The following NAMPT variants were observed in gnomAD, a reference collection of about 807,000 sequenced individuals.
NAMPT encodes the protein NAmPRTase.
A neutral mutation model predicts 58.7 loss-of-function variants in NAMPT; 7 were observed. That is an observed-to-expected ratio of 0.12 (90% CI 0.07 to 0.22). The LOEUF (loss-of-function observed/expected upper bound fraction) is 0.22, where lower values mean the gene tolerates loss of function less well. Among genes scored for constraint, NAMPT ranks in the 10% least tolerant of loss-of-function variants. The pLI is 1.00. For missense variants in NAMPT, 271 were observed against 567.9 expected, an observed-to-expected ratio of 0.48 and a Z score of 5.31; for synonymous variants, 145 against 198.1, an observed-to-expected ratio of 0.73 and a Z score of 2.25.
rs1792839416 is a variant in NAMPT, at chr7:106,284,825, T to C, written c.57+3A>G. The stretch of plus-strand genomic sequence containing the variant: ...CCTCATCTGCCCGGGCCCCGAGCTT[T>C]ACCTTGTAGGAGTCGGTGGCCAGGA... On this transcript the variant is annotated splice_donor_region_variant and intron_variant, in intron 1 of 10. Transcript: ENST00000222553. 5 of 1,548,178 alleles carry C rather than the reference T, an allele frequency of 3.2e-6. No individual in the cohort carries two copies. The highest frequency in any genetic ancestry group is 4.4e-6 in the Non-Finnish European group (5 of 1,144,448).
At chr7:106,278,544 A>G (rs1489677930) in intron 1 of NAMPT, among the ~76,000 whole-genome samples, 1 of 152,210 alleles carries the variant, frequency 6.6e-6, no homozygotes, top group Non-Finnish European at 1.5e-5. Flanking sequence ...ATCCCACTTT[A>G]ATAAAATTTA....
chr7:106,252,191 G>A (rs1792115565), intron 10 of NAMPT, among the ~76,000 whole-genome samples: 1 of 151,982 alleles, frequency 6.6e-6, no homozygotes, highest in Admixed American at 6.6e-5. Context: ...TTAGTTTGAA[G>A]TGACTTTAGC....
At chr7:106,280,696 C>T (rs528001532) in intron 1 of NAMPT, among the ~76,000 whole-genome samples, 32 of 152,268 alleles carry the variant, frequency 2.1e-4, no homozygotes, top group African/African-American at 7.5e-4. Context: ...AATCCCAGCA[C>T]TTTGGGAGGC....
rs1792081032 is a variant in NAMPT at position 106,250,088 on chromosome 7, TATAAC to T, written c.*990_*994del. 1 of 152,410 alleles carries T rather than the reference TATAAC, an allele frequency of 6.6e-6. No homozygotes were observed. Among genetic ancestry groups the T allele is most frequent in the South Asian group, 2.1e-4 (1 of 4,836 alleles). The allele number at this position is 152,410 out of a possible 1,614,324, so 9.4% of individuals were successfully genotyped here. ...AATTTTTTAAAAACTTAATAAAAAA[TATAAC>T]AGAATTGAAACATTTAAGTACACTC... On this transcript the variant is annotated 3_prime_UTR_variant, in exon 11 of 11. Transcript: ENST00000222553.
intron 8 of NAMPT, among the ~76,000 whole-genome samples, chr7:106,257,187 A>C (rs192729328): frequency 4.3e-4 from 66 of 151,974 alleles, no homozygotes; most frequent in Middle Eastern, 3.4e-3. Context: ...TCCTGAGTAC[A>C]TCTGCATTAA....
intron 5 of NAMPT, among the ~76,000 whole-genome samples, chr7:106,268,826 A>C (rs2115784362): frequency 6.6e-6 from 1 of 152,312 alleles, no homozygotes; most frequent in South Asian, 2.1e-4. Context: ...AGACCTATTT[A>C]ACAGTGTCCC....
Position 106,261,141 on chromosome 7 carries a change from T to C in NAMPT, c.1089+447A>G, listed in dbSNP as rs561018299. Among the ~76,000 whole-genome samples the C allele has an allele frequency of 3.3e-5, 5 of 152,298 alleles. No individual in the cohort carries two copies. The East Asian group carries it at 5.8e-4, about 18-fold the overall frequency. On this transcript the variant is annotated intron_variant, in intron 8 of 10. Coordinates refer to ENST00000222553, the MANE Select transcript of NAMPT (RefSeq NM_005746.3). ...ATAACACTTATACTATCTGGCTAAA[T>C]CTAATACTGATGACAGTCAATGCTT...
chr7:106,276,975 A>G, intron 2 of NAMPT, 48 bp downstream of exon 2: 1 of 1,395,472 alleles, frequency 7.2e-7, no homozygotes. Context: ...CTCCTAAAGG[A>G]GTTAAGAGTA....
Position 106,263,620 on chromosome 7 carries a change from A to G in NAMPT, c.744-3T>C. On this transcript the variant is annotated splice_region_variant and splice_polypyrimidine_tract_variant and intron_variant, in intron 6 of 10. Coordinates refer to ENST00000222553, the MANE Select transcript of NAMPT (RefSeq NM_005746.3). ...CTTTCCCCCAAGCTGTTATGGTACT[A>G]GAAAAAAAAATGAAAACACAGATTT... 1.9e-6 allele frequency: 3 copies of G among 1,608,204 alleles called. No homozygotes were observed. The highest frequency in any genetic ancestry group is 1.7e-5 in the Admixed American group (1 of 59,744).
chr7:106,276,883 C>T (rs1792657839), intron 2 of NAMPT, 140 bp downstream of exon 2: 4 of 667,864 alleles, frequency 6.0e-6, no homozygotes, highest in Non-Finnish European at 7.4e-6. Flanking sequence ...AAACTTTTCT[C>T]ATACTTAGAA....
rs182665277 is a variant in NAMPT, at chr7:106,275,234, C to G, written c.215-185G>C. The G allele has an allele frequency of 1.7e-3, 675 of 401,890 alleles. 6 individuals are homozygous for G. Among genetic ancestry groups the G allele is most frequent in the Non-Finnish European group, 1.7e-3 (382 of 223,584 alleles). The allele number at this position is 401,890 out of a possible 1,614,324, so 24.9% of individuals were successfully genotyped here. On this transcript the variant is annotated intron_variant, in intron 2 of 10. Transcript: ENST00000222553. ...AAAGGAATTTGTACTTTTAATAACT[C>G]AAAGTATAAATGTTTATTTATTGTA...
rs1472174045 is a variant in NAMPT at position 106,255,397 on chromosome 7, GAA to G, written c.1090-895_1090-894del. Among the ~76,000 whole-genome samples, 15 of 152,284 alleles carry G rather than the reference GAA, an allele frequency of 9.9e-5. No homozygotes were observed. In the East Asian group the frequency reaches 2.3e-3, roughly 23 times the overall value. On this transcript the variant is annotated intron_variant, in intron 8 of 10. Transcript: ENST00000222553. ...GGAAAGGCTGACTCTGTTTTAAACA[GAA>G]CTTTCAGAAGTTATTAGAAAATCAT...
rs1792165606 is a variant in NAMPT at position 106,254,502 on chromosome 7, A to T, written c.1092T>A (p.Ile364=). 6.2e-7 allele frequency: 1 copy of T among 1,613,544 alleles called. No individual in the cohort carries two copies. Among genetic ancestry groups the T allele is most frequent in the Non-Finnish European group, 8.5e-7 (1 of 1,179,594 alleles). The change falls in exon 9 of 11, where the codon ATT becomes ATA. Residue 364 remains isoleucine (I), a splice_region_variant and synonymous_variant. Coordinates refer to ENST00000222553, the MANE Select transcript of NAMPT (RefSeq NM_005746.3). ...ACATTTTTTGTTTCATGCCTTCTAC[A>T]ATCTAGAAGATTAAAACAAAACAAA... ...DGVDINTLQE[I]VEGMKQKMWS...
At chr7:106,256,844 A>T (rs1275790726) in intron 8 of NAMPT, among the ~76,000 whole-genome samples, 1 of 152,134 alleles carries the variant, frequency 6.6e-6, no homozygotes, top group Non-Finnish European at 1.5e-5. Context: ...GAACATCTGT[A>T]TTATCCTTTA....
In NAMPT at chr7:106,250,816, T is replaced by C. The variant is rs1168175501; in HGVS notation, c.*267A>G. ...ATATAAAAGTTTCTCAGTTCTGTTA[T>C]TTGTGAAAAGATCAATACCAGATTG... is the stretch of plus-strand genomic sequence containing the variant. On this transcript the variant is annotated 3_prime_UTR_variant, in exon 11 of 11. Coordinates refer to ENST00000222553, the MANE Select transcript of NAMPT (RefSeq NM_005746.3). 1.0e-5 allele frequency: 4 copies of C among 384,518 alleles called. No individual in the cohort carries two copies. The highest frequency in any genetic ancestry group is 9.9e-5 in the East Asian group (2 of 20,112). The allele number at this position is 384,518 out of a possible 1,614,324, so 23.8% of individuals were successfully genotyped here.
chr7:106,272,190 GAATGTCGT>G (rs1792548488), intron 4 of NAMPT: 2 of 289,754 alleles, frequency 6.9e-6, no homozygotes, highest in South Asian at 6.3e-5. Context: ...ATCATTCATC[GAATGTCGT>G]AAGTTACTAG....
chr7:106,271,551 TTAGTATACGGTA>T (rs1792533304), intron 4 of NAMPT, among the ~76,000 whole-genome samples: 2 of 152,232 alleles, frequency 1.3e-5, no homozygotes, highest in African/African-American at 4.8e-5. Flanking sequence ...TAATTTAGTT[TTAGTATACGGTA>T]TAGACTATTT....
intron 1 of NAMPT, among the ~76,000 whole-genome samples, chr7:106,278,163 G>A (rs1221505436): frequency 2.0e-5 from 3 of 152,122 alleles, no homozygotes; most frequent in African/African-American, 2.4e-5. Flanking sequence ...GTTCAGGAAA[G>A]CCAATGCTGT....
intron 1 of NAMPT, among the ~76,000 whole-genome samples, chr7:106,280,105 T>A (rs908191160): frequency 6.6e-6 from 1 of 152,192 alleles, no homozygotes; most frequent in Non-Finnish European, 1.5e-5. Context: ...ATGACATGAT[T>A]CACCTTTTAA....
Sources: allele counts gnomAD v4.1 joint callset (sites outside exome capture counted in the v4.1 genomes callset), GRCh38; gene constraint gnomAD v4.1.1; transcripts MANE v1.5; gene names NCBI Gene and HGNC (gene_info 2026-07-23, HGNC 2026-07-21).